Variants in RELN observed in about 807,000 individuals in gnomAD.
RELN encodes reelin.
RELN carries 108 observed loss-of-function variants against 427.6 expected under a neutral mutation model. The observed-to-expected ratio is 0.25, with a 90% CI of 0.22 to 0.30. The LOEUF (loss-of-function observed/expected upper bound fraction) is 0.30, where lower values mean the gene tolerates loss of function less well. Among genes scored for constraint, RELN ranks in the 10% least tolerant of loss-of-function variants. The pLI is 1.00. For synonymous variants in RELN, 1,524 were observed against 1,513.4 expected, an observed-to-expected ratio of 1.01 and a Z score of -0.16; for missense variants, 3,715 against 4,302.8, an observed-to-expected ratio of 0.86 and a Z score of 3.82.
intron 20 of RELN, chr7:103,628,099 G>A (rs1832368006): frequency 1.3e-5 from 2 of 152,294 alleles, no homozygotes; most frequent in South Asian, 4.1e-4. Context: ...ATAGTTTACG[G>A]TACATGATCA....
chr7:103,615,372 C>T (rs893259957), intron 20 of RELN, among the ~76,000 whole-genome samples: 7 of 152,176 alleles, frequency 4.6e-5, no homozygotes, highest in Non-Finnish European at 7.3e-5. Context: ...TCCTTTGCCT[C>T]GCCCTCCTTT....
At chr7:103,705,735 C>G (rs1185424666) in intron 8 of RELN, among the ~76,000 whole-genome samples, 1 of 152,116 alleles carries the variant, frequency 6.6e-6, no homozygotes, top group Non-Finnish European at 1.5e-5. Context: ...AACTGTGTGG[C>G]CTTTGAAACT....
chr7:103,909,945 G>A (rs2116650194), intron 2 of RELN, among the ~76,000 whole-genome samples: 1 of 143,472 alleles, frequency 7.0e-6, no homozygotes, highest in East Asian at 2.0e-4. Flanking sequence ...CCAGTTCTGT[G>A]CAGAAAGTCA....
chr7:103,652,143 CT>C (rs917129386), intron 14 of RELN, among the ~76,000 whole-genome samples: 31 of 152,076 alleles, frequency 2.0e-4, no homozygotes, highest in African/African-American at 7.2e-4. Context: ...ATGAGCAACA[CT>C]TGGGCAAGTG....
At chr7:103,809,971 G>A (rs1242166784) in intron 3 of RELN, among the ~76,000 whole-genome samples, 1 of 152,080 alleles carries the variant, frequency 6.6e-6, no homozygotes, top group Non-Finnish European at 1.5e-5. Flanking sequence ...GTTTTCTCTT[G>A]TGTGCAGTGG....
At chr7:103,564,804 T>C (rs1830712714) in intron 34 of RELN, among the ~76,000 whole-genome samples, 1 of 152,122 alleles carries the variant, frequency 6.6e-6, no homozygotes, top group South Asian at 2.1e-4. Flanking sequence ...AAGCCTGCTG[T>C]AAGTCAGTAC....
chr7:103,487,596 T>G, intron 60 of RELN, among the ~76,000 whole-genome samples: 1 of 152,186 alleles, frequency 6.6e-6, no homozygotes, highest in African/African-American at 2.4e-5. Flanking sequence ...CACGTAGTGC[T>G]CATGTCCGTA....
chr7:103,816,619 T>C (rs1204101662), intron 3 of RELN, among the ~76,000 whole-genome samples: 3 of 150,870 alleles, frequency 2.0e-5, no homozygotes, highest in Non-Finnish European at 4.4e-5. Flanking sequence ...ATGAAAATAA[T>C]TTTATCTAAC....
intron 23 of RELN, 93 bp downstream of exon 23, chr7:103,604,253 C>G: frequency 1.4e-6 from 2 of 1,438,528 alleles, no homozygotes; most frequent in Non-Finnish European, 1.9e-6. Context: ...ATTTATCGGT[C>G]TATCCATGTC....
At chr7:103,711,173 GT>G in intron 8 of RELN, among the ~76,000 whole-genome samples, 1 of 152,220 alleles carries the variant, frequency 6.6e-6, no homozygotes, top group East Asian at 1.9e-4. Context: ...TGTGATGTTT[GT>G]GGTACAGTCA....
intron 2 of RELN, among the ~76,000 whole-genome samples, chr7:103,914,042 AG>A (rs1228038293): frequency 3.3e-5 from 5 of 152,326 alleles, no homozygotes; most frequent in African/African-American, 1.2e-4. Context: ...TGCCTGTGAG[AG>A]GAAGGCTAGG....
intron 36 of RELN, among the ~76,000 whole-genome samples, chr7:103,558,442 C>A (rs1320845641): frequency 1.3e-5 from 2 of 152,182 alleles, no homozygotes; most frequent in African/African-American, 2.4e-5. Context: ...AAGATGGGAA[C>A]TGATAGGTGA....
intron 16 of RELN, among the ~76,000 whole-genome samples, chr7:103,647,088 C>A (rs1018090850): frequency 2.0e-5 from 3 of 151,820 alleles, no homozygotes; most frequent in Admixed American, 6.6e-5. Flanking sequence ...TATGACAAAC[C>A]CAAAGCCAAC....
chr7:103,555,792 T>C (rs2117164688), intron 38 of RELN, among the ~76,000 whole-genome samples: 1 of 152,346 alleles, frequency 6.6e-6, no homozygotes, highest in African/African-American at 2.4e-5. Context: ...TTTGGACTTT[T>C]ATTCAGTGAC....
intron 11 of RELN, among the ~76,000 whole-genome samples, chr7:103,674,425 G>T (rs891343287): frequency 1.3e-5 from 2 of 151,766 alleles, no homozygotes; most frequent in Non-Finnish European, 2.9e-5. Context: ...CATGGAGGTG[G>T]TTTTCCTTAG....
At chr7:103,973,586 C>T (rs1584412640) in intron 1 of RELN, among the ~76,000 whole-genome samples, 1 of 151,590 alleles carries the variant, frequency 6.6e-6, no homozygotes. Context: ...AAAATATGTA[C>T]AAAAATATTG....
chr7:103,573,434 G>C lies in RELN; in HGVS notation c.4511+658C>G, dbSNP rs949343932. 6.6e-6 allele frequency among the ~76,000 whole-genome samples: 1 copy of C among 152,096 alleles called. No homozygotes were observed. Among genetic ancestry groups the C allele is most frequent in the Non-Finnish European group, 1.5e-5 (1 of 68,032 alleles). On this transcript the variant is annotated intron_variant, in intron 30 of 64. Transcript: ENST00000428762. This position sits in a 1 kb window ranked among gnomAD's most constrained non-coding sequence, Gnocchi z 4.4. ...CTGCTTGACAGGCACACCTCTGAGA[G>C]AACAATGCAGATGGAAAGGGAAGGA...
chr7:103,785,972 G>T (rs962949385), intron 3 of RELN, among the ~76,000 whole-genome samples: 2 of 151,896 alleles, frequency 1.3e-5, no homozygotes, highest in East Asian at 3.9e-4. Context: ...TGAAGTCAAT[G>T]AAAGCTCCAA....
chr7:103,886,466 C>T (rs1794728530), intron 2 of RELN, among the ~76,000 whole-genome samples: 1 of 152,088 alleles, frequency 6.6e-6, no homozygotes, highest in Non-Finnish European at 1.5e-5. Flanking sequence ...CAAAAGGTAA[C>T]CCCAATTAGC....
Sources: allele counts gnomAD v4.1 joint callset (sites outside exome capture counted in the v4.1 genomes callset), GRCh38; gene constraint gnomAD v4.1.1; non-coding constraint Gnocchi (gnomAD v3.1); transcripts MANE v1.5; gene names NCBI Gene and HGNC (gene_info 2026-07-23, HGNC 2026-07-21).